PSMG1: variants seen among roughly 807,000 people sequenced by gnomAD.
PSMG1 encodes the protein Down syndrome critical region gene 2.
A neutral mutation model predicts 37.2 loss-of-function variants in PSMG1; 23 were observed. The observed-to-expected ratio is 0.62, with a 90% CI of 0.44 to 0.88. The LOEUF (loss-of-function observed/expected upper bound fraction) is 0.88. Ranked by LOEUF, PSMG1 falls within the 40% of genes least tolerant of loss-of-function variation. The pLI is 0.00. For synonymous variants in PSMG1, 127 were observed against 128.0 expected, an observed-to-expected ratio of 0.99 and a Z score of 0.05; for missense variants, 340 against 344.2, an observed-to-expected ratio of 0.99 and a Z score of 0.10.
chr21:39,183,309 T>C lies in PSMG1; in HGVS notation c.77A>G (p.Glu26Gly), dbSNP rs1401966239. 1.3e-6 allele frequency: 2 copies of C among 1,516,026 alleles called. No individual in the cohort carries two copies. Among genetic ancestry groups the C allele is most frequent in the Admixed American group, 1.9e-5 (1 of 51,412 alleles). 93.9% of individuals were successfully genotyped at this position (1,516,026 alleles called of 1,614,324 possible). ...GTCCTCGGGCGTCTCCCTCCGCCCC[T>C]CCTCCTCCTCCTCTTCGTCCTCAGT... ...AGTEDEEEEE[E>G]GRRETPEDRE... Residue 26 changes from glutamate to glycine, a missense_variant, in exon 1 of 7, where the codon GAG (glutamate) becomes GGG (glycine). Coordinates refer to ENST00000331573, the MANE Select transcript of PSMG1 (RefSeq NM_003720.4).
At chr21:39,177,358 T>C in intron 6 of PSMG1, 77 bp downstream of exon 6, 2 of 1,327,932 alleles carry the variant, frequency 1.5e-6, no homozygotes, top group South Asian at 1.8e-5. Flanking sequence ...GGGTTTAAAA[T>C]GACAGTATAC....
intron 1 of PSMG1, 168 bp downstream of exon 1, chr21:39,183,084 C>T: frequency 9.3e-6 from 8 of 856,198 alleles, no homozygotes; most frequent in Non-Finnish European, 1.3e-5. Context: ...CGCCGCTGGA[C>T]GCCGCGGCTT....
chr21:39,175,581 T>C lies in PSMG1; in HGVS notation c.*9A>G. On this transcript the variant is annotated 3_prime_UTR_variant, in exon 7 of 7. Coordinates refer to ENST00000331573, the MANE Select transcript of PSMG1 (RefSeq NM_003720.4). ...ACAAGTAATATACACTACAAAACAATGTTTAAGATCATGTATAAATGTTAC... is the reference window on the plus strand; with the variant it reads ...ACAAGTAATATACACTACAAAACAACGTTTAAGATCATGTATAAATGTTAC... 2 of 1,584,746 alleles carry C rather than the reference T, an allele frequency of 1.3e-6. No individual in the cohort carries two copies. Among genetic ancestry groups the C allele is most frequent in the Non-Finnish European group, 1.7e-6 (2 of 1,154,054 alleles).
Position 39,178,484 on chromosome 21 carries a change from TC to T in PSMG1, c.619del (p.Glu207AsnfsTer5), listed in dbSNP as rs1438378951. On this transcript the variant is annotated frameshift_variant, in exon 5 of 7. Transcript: ENST00000331573. LOFTEE classifies it high-confidence loss of function. Reference sequence around the variant, plus strand: ...AAGGTCGTGTACTATATTCGGTTGTTCTAGCAATGGACAACACGCCGAGTCT... The same window carrying T: ...AAGGTCGTGTACTATATTCGGTTGTTTAGCAATGGACAACACGCCGAGTCT... ...FKDSACCPLL[E>X]QPNIVHDLPA... 2 of 1,614,002 alleles carry T rather than the reference TC, an allele frequency of 1.2e-6. No individual in the cohort carries two copies. Among genetic ancestry groups the T allele is most frequent in the African/African-American group, 2.7e-5 (2 of 74,932 alleles).
chr21:39,180,535 GA>G, intron 2 of PSMG1, 99 bp from the exon 3 acceptor site: 1 of 1,271,244 alleles, frequency 7.9e-7, no homozygotes, highest in Non-Finnish European at 1.1e-6. Context: ...TTTGAGAGCT[GA>G]AAGAGCCATT....
chr21:39,176,245 C>T (rs552013975), intron 6 of PSMG1, among the ~76,000 whole-genome samples: 2 of 152,336 alleles, frequency 1.3e-5, no homozygotes, highest in African/African-American at 4.8e-5. Flanking sequence ...AATGAAAATG[C>T]TGAGTTAAAT....
chr21:39,178,817 C>G, intron 4 of PSMG1, 170 bp from the exon 5 acceptor site: 1 of 650,736 alleles, frequency 1.5e-6, no homozygotes, highest in South Asian at 2.1e-5. Context: ...TGGGTTTGAT[C>G]TTGGTTCTGC....
At chr21:39,181,625 G>T (rs1054799460) in intron 2 of PSMG1, 147 bp downstream of exon 2, 8 of 489,396 alleles carry the variant, frequency 1.6e-5, no homozygotes, top group Non-Finnish European at 2.4e-5. Context: ...GATGCAACAG[G>T]AACAGGAGAG....
chr21:39,175,692 G>T, intron 6 of PSMG1, 28 bp from the exon 7 acceptor site: 1 of 1,430,960 alleles, frequency 7.0e-7, no homozygotes, highest in Non-Finnish European at 9.9e-7. Context: ...AGTGAATACA[G>T]TGAGACCCCA....
chr21:39,178,819 T>C (rs1241932690), intron 4 of PSMG1, 172 bp from the exon 5 acceptor site: 1 of 654,438 alleles, frequency 1.5e-6, no homozygotes, highest in Non-Finnish European at 2.5e-6. Context: ...GGTTTGATCT[T>C]GGTTCTGCTT....
chr21:39,177,719 T>C, intron 5 of PSMG1, 148 bp from the exon 6 acceptor site: 1 of 516,736 alleles, frequency 1.9e-6, no homozygotes, highest in Non-Finnish European at 3.0e-6. Context: ...TTTGAACCAA[T>C]TATAATGAAG....
chr21:39,179,321 G>A (rs1219408009), intron 4 of PSMG1, among the ~76,000 whole-genome samples: 1 of 152,114 alleles, frequency 6.6e-6, no homozygotes, highest in South Asian at 2.1e-4. Context: ...TACTTAAGGG[G>A]CCTGCGATGT....
intron 1 of PSMG1, 117 bp from the exon 2 acceptor site, chr21:39,181,995 ATAAC>A (rs2146412305): frequency 5.5e-6 from 3 of 547,462 alleles, no homozygotes; most frequent in Admixed American, 4.3e-5. Context: ...TATAAAGAAT[ATAAC>A]TAATATCCTC....
At chr21:39,178,033 C>T (rs1569141788) in intron 5 of PSMG1, among the ~76,000 whole-genome samples, 1 of 152,120 alleles carries the variant, frequency 6.6e-6, no homozygotes, top group Admixed American at 6.5e-5. Flanking sequence ...ATGGCAGTCT[C>T]TTTGTCATAT....
rs148120925 is a variant in PSMG1, at chr21:39,178,454, G to C, written c.650C>G (p.Ala217Gly). 4.7e-5 allele frequency: 75 copies of C among 1,609,266 alleles called. No homozygotes were observed. In the African/African-American group the frequency reaches 5.3e-4, roughly 11 times the overall value. ...GTTACAAATTTTAATACCACCTGCT[G>C]CAGGAAGGTCGTGTACTATATTCGG... ...EQPNIVHDLP[A>G]AVLSYCQVWK... The change falls in exon 5 of 7, where the codon GCA becomes GGA. Residue 217 changes from alanine (A) to glycine (G), a missense_variant. By Grantham distance (60) the Ala-to-Gly change is moderately conservative. Transcript: ENST00000331573.
chr21:39,177,576 G>GGAC lies in PSMG1; in HGVS notation c.656-6_656-5insGTC. 1 of 1,509,174 alleles carries GGAC rather than the reference G, an allele frequency of 6.6e-7. No individual in the cohort carries two copies. The highest frequency in any genetic ancestry group is 2.4e-5 in the East Asian group (1 of 41,164). 93.5% of individuals were successfully genotyped at this position (1,509,174 alleles called of 1,614,324 possible). On this transcript the variant is annotated splice_region_variant and splice_polypyrimidine_tract_variant and intron_variant, in intron 5 of 6. Coordinates refer to ENST00000331573, the MANE Select transcript of PSMG1 (RefSeq NM_003720.4). ...ATACTTGACAGTAGCTTAGAACTAT[G>GGAC]AATACACAAGAAAAAAAAACGATGT...
chr21:39,181,383 G>A (rs192482747), intron 2 of PSMG1, among the ~76,000 whole-genome samples: 7 of 151,712 alleles, frequency 4.6e-5, no homozygotes, highest in South Asian at 4.2e-4. Context: ...TGATCCTCCC[G>A]CCTCGGCCTC....
chr21:39,183,351 G>A lies in PSMG1; in HGVS notation c.35C>T (p.Ala12Val), dbSNP rs568027634. 1.5e-5 allele frequency: 24 copies of A among 1,573,508 alleles called. 1 individual carries two copies. The South Asian group carries it at 2.6e-4, about 17-fold the overall frequency. ...GTCCTCAGTCCCAGCTCGGCACGGC[G>A]CCTTCACCACCTCTCCGAAGAACGT... ...AATFFGEVVKAPCRAGTEDEE... is the reference protein window; with the variant it reads ...AATFFGEVVKVPCRAGTEDEE... Residue 12 changes from alanine to valine, a missense_variant, in exon 1 of 7, where the codon GCG (alanine) becomes GTG (valine). By Grantham distance (64) the Ala-to-Val change is moderately conservative. Coordinates refer to ENST00000331573, the MANE Select transcript of PSMG1 (RefSeq NM_003720.4).
upstream of PSMG1, chr21:39,183,466 G>A (rs2030957822): frequency 1.4e-6 from 2 of 1,461,832 alleles, no homozygotes; most frequent in East Asian, 2.8e-5. Context: ...CTCCCTCACC[G>A]CGCGGGCAAT....
Sources: allele counts gnomAD v4.1 joint callset (sites outside exome capture counted in the v4.1 genomes callset), GRCh38; gene constraint gnomAD v4.1.1; transcripts MANE v1.5; gene names NCBI Gene and HGNC (gene_info 2026-07-23, HGNC 2026-07-21).